Variants in PIP5K1B observed in about 807,000 individuals in gnomAD.
PIP5K1B encodes phosphatidylinositol-4-phosphate 5-kinase type 1 beta, also known as phosphatidylinositol 4-phosphate 5-kinase type-1 beta.
A neutral mutation model predicts 67.0 loss-of-function variants in PIP5K1B; 42 were observed. That is an observed-to-expected ratio of 0.63 (90% CI 0.49 to 0.81). The LOEUF (loss-of-function observed/expected upper bound fraction) is 0.81. PIP5K1B is among the 30% of genes least tolerant of loss of function. PIP5K1B has a pLI of 0.00. For missense variants in PIP5K1B, 459 were observed against 646.3 expected, an observed-to-expected ratio of 0.71 and a Z score of 3.14; for synonymous variants, 214 against 231.4, an observed-to-expected ratio of 0.92 and a Z score of 0.68.
intron 1 of PIP5K1B, among the ~76,000 whole-genome samples, chr9:68,726,193 G>A (rs934330312): frequency 6.6e-6 from 1 of 152,144 alleles, no homozygotes; most frequent in Non-Finnish European, 1.5e-5. Flanking sequence ...TTACCTTGAT[G>A]TGATTATTAT....
intron 12 of PIP5K1B, among the ~76,000 whole-genome samples, chr9:68,928,988 C>A (rs1357069791): frequency 6.6e-6 from 1 of 152,114 alleles, no homozygotes; most frequent in East Asian, 1.9e-4. Context: ...CGTGGTGAAA[C>A]CCCTTCTCTA....
At chr9:68,837,194 G>A (rs1834659176) in intron 4 of PIP5K1B, among the ~76,000 whole-genome samples, 1 of 152,140 alleles carries the variant, frequency 6.6e-6, no homozygotes, top group Admixed American at 6.5e-5. Context: ...TGTTAGGCAG[G>A]GATACAGCAG....
intron 8 of PIP5K1B, among the ~76,000 whole-genome samples, chr9:68,906,642 C>A (rs1825626851): frequency 6.6e-6 from 1 of 152,220 alleles, no homozygotes; most frequent in Non-Finnish European, 1.5e-5. Context: ...TTTAAAATAT[C>A]TTCATCCAGC....
At chr9:68,880,970 T>C (rs1824173297) in intron 6 of PIP5K1B, among the ~76,000 whole-genome samples, 1 of 152,180 alleles carries the variant, frequency 6.6e-6, no homozygotes, top group Non-Finnish European at 1.5e-5. Flanking sequence ...AAAGGGTCGT[T>C]TGCATGACAC....
intron 5 of PIP5K1B, among the ~76,000 whole-genome samples, chr9:68,871,629 G>C (rs2132296093): frequency 6.6e-6 from 1 of 152,336 alleles, no homozygotes; most frequent in Admixed American, 6.5e-5. Context: ...GTGGGGAAGA[G>C]GACAGAGAAA....
intron 4 of PIP5K1B, among the ~76,000 whole-genome samples, chr9:68,857,508 T>G (rs12340199): frequency 0.014 from 2,095 of 152,306 alleles, 46 homozygotes; most frequent in African/African-American, 0.048. Context: ...GACTATGACT[T>G]GTTTCTTGAG....
intron 13 of PIP5K1B, among the ~76,000 whole-genome samples, chr9:68,936,441 A>C (rs564647283): frequency 6.6e-6 from 1 of 151,872 alleles, no homozygotes; most frequent in South Asian, 2.1e-4. Context: ...CAAGTTAATC[A>C]TTTGTTTTTT....
intron 1 of PIP5K1B, among the ~76,000 whole-genome samples, chr9:68,725,621 T>C (rs1173440904): frequency 6.6e-6 from 1 of 152,176 alleles, no homozygotes; most frequent in African/African-American, 2.4e-5. Context: ...TGCTAAAGTC[T>C]GATTAGAGTT....
At chr9:68,892,145 G>C (rs1824823802) in intron 7 of PIP5K1B, among the ~76,000 whole-genome samples, 2 of 152,164 alleles carry the variant, frequency 1.3e-5, no homozygotes, top group Admixed American at 1.3e-4. Flanking sequence ...GTATTGTAAA[G>C]ATTTCAACTG....
intron 1 of PIP5K1B, chr9:68,739,990 T>C (rs912691421): frequency 6.6e-6 from 1 of 152,242 alleles, no homozygotes; most frequent in Admixed American, 6.5e-5. Context: ...TCTCTGCTTA[T>C]CTGAAAAACA....
chr9:68,840,800 G>GCTGCTGATC (rs1821879630), intron 4 of PIP5K1B, among the ~76,000 whole-genome samples: 4 of 152,152 alleles, frequency 2.6e-5, no homozygotes, highest in Non-Finnish European at 5.9e-5. Flanking sequence ...CATCAACCTT[G>GCTGCTGATC]ATCGTATTTG....
chr9:68,717,299 T>C (rs1827680769), intron 1 of PIP5K1B, among the ~76,000 whole-genome samples: 1 of 152,198 alleles, frequency 6.6e-6, no homozygotes, highest in Non-Finnish European at 1.5e-5. Flanking sequence ...GACTGGACGG[T>C]AGCATCCTAT....
chr9:69,001,100 T>A (rs1830807107), intron 15 of PIP5K1B, among the ~76,000 whole-genome samples: 1 of 151,028 alleles, frequency 6.6e-6, no homozygotes, highest in Admixed American at 6.6e-5. Context: ...AATGACAGGG[T>A]TTCAGCATGT....
chr9:68,768,287 C>G (rs988350993), intron 2 of PIP5K1B, among the ~76,000 whole-genome samples: 1 of 152,178 alleles, frequency 6.6e-6, no homozygotes. Flanking sequence ...TGGATGTATA[C>G]ATGATTTGAA....
intron 2 of PIP5K1B, among the ~76,000 whole-genome samples, chr9:68,778,820 T>C (rs1342288942): frequency 6.6e-6 from 1 of 152,268 alleles, no homozygotes; most frequent in Non-Finnish European, 1.5e-5. Context: ...TCAGCGGCAC[T>C]GCCCTTTTTT....
chr9:68,881,861 G>T (rs1304068615), intron 6 of PIP5K1B, among the ~76,000 whole-genome samples: 2 of 152,124 alleles, frequency 1.3e-5, no homozygotes, highest in African/African-American at 2.4e-5. Context: ...TCATGTGCCT[G>T]GATATTCAAA....
At chr9:68,978,000 G>A (rs1202543577) in intron 14 of PIP5K1B, among the ~76,000 whole-genome samples, 1 of 151,864 alleles carries the variant, frequency 6.6e-6, no homozygotes, top group Non-Finnish European at 1.5e-5. Flanking sequence ...AACTTTTGGG[G>A]GTTTTTAGGG....
Position 68,964,669 on chromosome 9 carries a change from T to G in PIP5K1B, c.1502+23879T>G, listed in dbSNP as rs140988371. Among the ~76,000 whole-genome samples, 9 of 152,328 alleles carry G rather than the reference T, an allele frequency of 5.9e-5. No homozygotes were observed. In the East Asian group the frequency reaches 1.7e-3, roughly 29 times the overall value. ...TTGTTCTATATAAGGAAGAGTTTAA[T>G]AATGTGGTTAAAGAAGAAATAGGCT... On this transcript the variant is annotated intron_variant, in intron 14 of 15. Coordinates refer to ENST00000265382, the MANE Select transcript of PIP5K1B (RefSeq NM_003558.4).
intron 4 of PIP5K1B, among the ~76,000 whole-genome samples, chr9:68,830,584 G>A (rs1014719013): frequency 1.3e-5 from 2 of 152,104 alleles, no homozygotes; most frequent in African/African-American, 4.8e-5. Flanking sequence ...GACTCTCTGT[G>A]TTTTGGTCCC....
Sources: allele counts gnomAD v4.1 joint callset (sites outside exome capture counted in the v4.1 genomes callset), GRCh38; gene constraint gnomAD v4.1.1; transcripts MANE v1.5; gene names NCBI Gene and HGNC (gene_info 2026-07-23, HGNC 2026-07-21).